Variants in BRINP1 observed in about 807,000 individuals in gnomAD.
BRINP1 encodes the protein BMP/retinoic acid-inducible neural-specific protein 1.
A neutral mutation model predicts 72.9 loss-of-function variants in BRINP1; 17 were observed. That is an observed-to-expected ratio of 0.23 (90% confidence interval 0.16 to 0.35). The LOEUF (loss-of-function observed/expected upper bound fraction) is 0.35. Among genes scored for constraint, BRINP1 ranks in the 10% least tolerant of loss-of-function variants. BRINP1 has a pLI of 1.00. For synonymous variants in BRINP1, 418 were observed against 378.5 expected (o/e 1.10, Z -1.21); for missense variants, 850 against 1,001.6 (o/e 0.85, Z 2.04).
At chr9:119,237,353 A>ATTATTATTATTATTATTG (rs1830202012) in intron 5 of BRINP1, among the ~76,000 whole-genome samples, 1 of 118,282 alleles carries the variant, frequency 8.5e-6, no homozygotes, top group African/African-American at 2.6e-5. Flanking sequence ...CTACATTATT[A>ATTATTATTATTATTATTG]TTATTATTAT....
In BRINP1 at chr9:119,369,398, TGCA is replaced by T. The variant is rs1436973062; in HGVS notation, c.-396_-394del. ...CTCCTCCCCGCGCGCCAGATCAGTT[TGCA>T]GCCGTGGGGTCCGGGAGCGAGGCGG... is the stretch of plus-strand genomic sequence containing the variant. On this transcript the variant is annotated 5_prime_UTR_variant, in exon 1 of 8. Transcript: ENST00000265922. 5.0e-6 allele frequency: 2 copies of T among 396,270 alleles called. No individual in the cohort carries two copies. The highest frequency in any genetic ancestry group is 8.8e-5 in the Admixed American group (2 of 22,666). The allele number at this position is 396,270 out of a possible 1,614,324, so 24.5% of individuals were successfully genotyped here. A position where few individuals can be genotyped will look rare whatever the true frequency, so the allele number is the denominator to read the frequency against.
chr9:119,205,343 C>T (rs978734156), intron 7 of BRINP1, among the ~76,000 whole-genome samples: 1 of 152,140 alleles, frequency 6.6e-6, no homozygotes, highest in East Asian at 1.9e-4. Flanking sequence ...GACATCCTCT[C>T]CAGGTGAGAA....
chr9:119,300,793 TAA>T (rs1047192273), intron 2 of BRINP1, among the ~76,000 whole-genome samples: 2 of 152,386 alleles, frequency 1.3e-5, no homozygotes, highest in African/African-American at 4.8e-5. Context: ...CAAGACTTTA[TAA>T]AAGACTATTT....
chr9:119,179,925 C>G (rs1829533717), intron 7 of BRINP1, among the ~76,000 whole-genome samples: 1 of 152,220 alleles, frequency 6.6e-6, no homozygotes, highest in African/African-American at 2.4e-5. Flanking sequence ...CCTGGTGACA[C>G]AGCATGGAGT....
At chr9:119,287,254 C>T (rs1034132692) in intron 2 of BRINP1, among the ~76,000 whole-genome samples, 7 of 152,166 alleles carry the variant, frequency 4.6e-5, no homozygotes, top group Admixed American at 4.6e-4. Context: ...TCTTGAATAA[C>T]TTCTTAAATA....
Position 119,238,645 on chromosome 9 carries a change from G to A in BRINP1, c.685+10C>T, listed in dbSNP as rs775720679. 4.5e-5 allele frequency: 71 copies of A among 1,581,052 alleles called. No individual in the cohort carries two copies. The highest frequency in any genetic ancestry group is 1.3e-5 in the Non-Finnish European group (15 of 1,158,014). Reference sequence around the variant, plus strand: ...CCCAACTGACCCCACTTTTTCCACTGGCTTCCTACCTTGAAGGTGCAGTTT... The same window carrying A: ...CCCAACTGACCCCACTTTTTCCACTAGCTTCCTACCTTGAAGGTGCAGTTT... On this transcript the variant is annotated intron_variant, in intron 5 of 7. Transcript: ENST00000265922.
At chr9:119,231,871 T>A (rs1480022262) in intron 5 of BRINP1, among the ~76,000 whole-genome samples, 5 of 152,112 alleles carry the variant, frequency 3.3e-5, no homozygotes, top group Non-Finnish European at 5.9e-5. Context: ...TGAATTTTTT[T>A]TTCTCTATCT....
chr9:119,185,689 C>T (rs530788424), intron 7 of BRINP1, among the ~76,000 whole-genome samples: 2 of 152,118 alleles, frequency 1.3e-5, no homozygotes, highest in African/African-American at 4.8e-5. Context: ...TCTCTGCTAC[C>T]TCCTCTCCCC....
chr9:119,328,300 CAGA>C (rs1831259874), intron 1 of BRINP1, among the ~76,000 whole-genome samples: 3 of 152,140 alleles, frequency 2.0e-5, no homozygotes, highest in Admixed American at 2.0e-4. Flanking sequence ...ATGATGGAAA[CAGA>C]AGATTCATTG....
intron 1 of BRINP1, among the ~76,000 whole-genome samples, chr9:119,316,286 C>G (rs1261713690): frequency 6.6e-6 from 1 of 152,206 alleles, no homozygotes; most frequent in Non-Finnish European, 1.5e-5. Flanking sequence ...CAGGGTTTCG[C>G]CATGTTGGCC....
chr9:119,233,387 A>C (rs1292730486), intron 5 of BRINP1, among the ~76,000 whole-genome samples: 2 of 152,176 alleles, frequency 1.3e-5, no homozygotes, highest in African/African-American at 2.4e-5. Flanking sequence ...AAATAAAAAC[A>C]AGTTAAAAAT....
At chr9:119,266,488 A>G (rs540053397) in intron 2 of BRINP1, among the ~76,000 whole-genome samples, 1 of 152,362 alleles carries the variant, frequency 6.6e-6, no homozygotes, top group East Asian at 1.9e-4. Flanking sequence ...CAAAACCTCG[A>G]ATATTTAACA....
At chr9:119,349,876 C>T (rs1046295440) in intron 1 of BRINP1, among the ~76,000 whole-genome samples, 2 of 152,152 alleles carry the variant, frequency 1.3e-5, no homozygotes, top group African/African-American at 2.4e-5. Context: ...CCTCTTCCTT[C>T]GTATTTCTCT....
intron 5 of BRINP1, among the ~76,000 whole-genome samples, chr9:119,223,368 C>A (rs961472485): frequency 5.3e-5 from 8 of 151,978 alleles, no homozygotes; most frequent in Admixed American, 5.2e-4. Context: ...TTGTGGAGCT[C>A]TTAGTACAGG....
chr9:119,167,004 T>G lies in BRINP1; in HGVS notation c.*80A>C. The G allele has an allele frequency of 7.0e-7, 1 of 1,426,948 alleles. No individual in the cohort carries two copies. The highest frequency in any genetic ancestry group is 9.4e-7 in the Non-Finnish European group (1 of 1,060,286). The allele number at this position is 1,426,948 out of a possible 1,614,324, so 88.4% of individuals were successfully genotyped here. ...ATTACATTTTACAAATTTTTGTGGG[T>G]TTTTTTGTTTTGTTTTGCTTCATTT... On this transcript the variant is annotated 3_prime_UTR_variant, in exon 8 of 8. Transcript: ENST00000265922. This position sits in a 1 kb window ranked among gnomAD's most constrained non-coding sequence, Gnocchi z 4.3.
chr9:119,271,395 A>G (rs1830603806), intron 2 of BRINP1, among the ~76,000 whole-genome samples: 1 of 152,014 alleles, frequency 6.6e-6, no homozygotes, highest in Non-Finnish European at 1.5e-5. Context: ...AAAAAATTTT[A>G]GAGAATATTG....
intron 2 of BRINP1, among the ~76,000 whole-genome samples, chr9:119,282,156 C>G (rs1830718811): frequency 6.6e-6 from 1 of 152,214 alleles, no homozygotes; most frequent in Admixed American, 6.5e-5. Context: ...TGACAAGGCC[C>G]TTCACCCTAC....
intron 1 of BRINP1, among the ~76,000 whole-genome samples, chr9:119,356,226 T>C (rs1831563896): frequency 6.6e-6 from 1 of 152,174 alleles, no homozygotes; most frequent in Non-Finnish European, 1.5e-5. Flanking sequence ...CCTGACTTCC[T>C]ACAGATCTCT....
At chr9:119,279,590 T>C (rs1460182736) in intron 2 of BRINP1, among the ~76,000 whole-genome samples, 1 of 152,218 alleles carries the variant, frequency 6.6e-6, no homozygotes, top group East Asian at 1.9e-4. Flanking sequence ...CCTTCAGAGG[T>C]AGCCAAAGCC....
Sources: allele counts gnomAD v4.1 joint callset (sites outside exome capture counted in the v4.1 genomes callset), GRCh38; gene constraint gnomAD v4.1.1; non-coding constraint Gnocchi (gnomAD v3.1); transcripts MANE v1.5; gene names NCBI Gene and HGNC (gene_info 2026-07-23, HGNC 2026-07-21).